EDA: variants seen among roughly 807,000 people sequenced by gnomAD.
The protein encoded by EDA is ectodysplasin A.
Under a neutral mutation model 23.6 loss-of-function variants are expected in EDA, and 2 were observed. That is an observed-to-expected ratio of 0.08 (90% confidence interval 0.03 to 0.27). The LOEUF is 0.27. EDA is among the 10% of genes least tolerant of loss of function. EDA has a pLI of 1.00. For synonymous variants in EDA, 131 were observed against 132.0 expected (o/e 0.99, Z 0.05); for missense variants, 229 against 324.2 (o/e 0.71, Z 2.26).
chrX:69,840,618 T>TTGAGA, intron 1 of EDA, among the ~76,000 whole-genome samples: 1 of 110,685 alleles, frequency 9.0e-6, no homozygotes, highest in South Asian at 3.7e-4. Context: ...AATATTTTTG[T>TTGAGA]TAAGGGGAAA....
At chrX:69,649,631 G>C (rs953025640) in intron 1 of EDA, among the ~76,000 whole-genome samples, 4 of 105,854 alleles carry the variant, frequency 3.8e-5, no homozygotes, top group Non-Finnish European at 7.7e-5. Flanking sequence ...CTGTCACCCA[G>C]GCTGGAGTGC....
At chrX:69,621,027 G>A (rs750647858) in intron 1 of EDA, 30 of 292,947 alleles carry the variant, frequency 1.0e-4, no homozygotes, top group Non-Finnish European at 1.8e-4. Flanking sequence ...CCTTAACCAC[G>A]TGGTCAGTCT....
In EDA at chrX:69,630,776, T is replaced by C. The variant is rs895236377; in HGVS notation, c.396+14072T>C. On this transcript the variant is annotated intron_variant, in intron 1 of 7. Transcript: ENST00000374552. ...AATTCACAGGGGTTGGTAATGGTAC[T>C]GCATTTTTTCAAATCGTGCTTTTAT... is the stretch of plus-strand genomic sequence containing the variant. Among the ~76,000 whole-genome samples the C allele has an allele frequency of 3.6e-5, 4 of 112,097 alleles. No homozygotes were observed. The Admixed American group carries it at 3.8e-4, about 11-fold the overall frequency.
At chrX:69,754,429 G>T (rs2014022657) in intron 1 of EDA, among the ~76,000 whole-genome samples, 1 of 112,172 alleles carries the variant, frequency 8.9e-6, no homozygotes, top group African/African-American at 3.2e-5. Context: ...TCTGCCGAGA[G>T]ATCAGCTTTT....
At chrX:70,026,818 T>C (rs1297641551) in intron 3 of EDA, among the ~76,000 whole-genome samples, 1 of 110,599 alleles carries the variant, frequency 9.0e-6, no homozygotes, top group East Asian at 2.9e-4. Context: ...CTGTCTCTGC[T>C]TCTTTCCTGT....
intron 1 of EDA, among the ~76,000 whole-genome samples, chrX:69,733,759 G>T (rs1007202989): frequency 4.5e-5 from 5 of 111,291 alleles, no homozygotes; most frequent in African/African-American, 1.6e-4. Flanking sequence ...CCATTTGTTT[G>T]TGTCCTCTTT....
intron 1 of EDA, among the ~76,000 whole-genome samples, chrX:69,788,241 C>A (rs1428319024): frequency 2.7e-5 from 3 of 112,206 alleles, no homozygotes; most frequent in African/African-American, 9.7e-5. Flanking sequence ...GTTTGAATTT[C>A]CTCCCGTAGC....
At chrX:70,032,873 C>T (rs1159927127) in intron 6 of EDA, among the ~76,000 whole-genome samples, 1 of 112,371 alleles carries the variant, frequency 8.9e-6, no homozygotes, top group Non-Finnish European at 1.9e-5. Context: ...TGAGTGGTTT[C>T]CTCCCAGGGA....
chrX:69,632,499 ACC>A (rs1460565666), intron 1 of EDA, among the ~76,000 whole-genome samples: 2 of 111,778 alleles, frequency 1.8e-5, no homozygotes, highest in African/African-American at 6.5e-5. Context: ...TCAGGCCCCA[ACC>A]TCTGCTGGAT....
intron 1 of EDA, among the ~76,000 whole-genome samples, chrX:69,745,034 G>A (rs2013576339): frequency 9.0e-6 from 1 of 111,610 alleles, no homozygotes; most frequent in African/African-American, 3.3e-5. Flanking sequence ...AATGGATAGA[G>A]AGAAGGTATA....
chrX:69,973,426 G>A (rs1268164581), intron 2 of EDA, among the ~76,000 whole-genome samples: 2 of 111,744 alleles, frequency 1.8e-5, no homozygotes, highest in Non-Finnish European at 3.8e-5. Context: ...ACACCACGTG[G>A]TCCAGTCCAG....
At chrX:69,867,340 T>C (rs2017501844) in intron 1 of EDA, among the ~76,000 whole-genome samples, 1 of 112,087 alleles carries the variant, frequency 8.9e-6, no homozygotes, top group Non-Finnish European at 1.9e-5. Context: ...TGAGGTCACC[T>C]GTTGGTGAGC....
chrX:69,801,011 C>T (rs1183507008), intron 1 of EDA, among the ~76,000 whole-genome samples: 1 of 111,477 alleles, frequency 9.0e-6, no homozygotes, highest in East Asian at 2.8e-4. Flanking sequence ...TATGATGTGT[C>T]CCTTATTGGC....
intron 1 of EDA, among the ~76,000 whole-genome samples, chrX:69,922,074 G>T (rs2018444539): frequency 9.0e-6 from 1 of 111,627 alleles, no homozygotes; most frequent in African/African-American, 3.3e-5. Flanking sequence ...CTTTCCAACT[G>T]GCTTCTTTCA....
At chrX:69,668,412 G>A (rs767735193) in intron 1 of EDA, among the ~76,000 whole-genome samples, 1 of 111,857 alleles carries the variant, frequency 8.9e-6, no homozygotes, top group East Asian at 2.8e-4. Context: ...ATGTGCATTA[G>A]AGAAAAATGT....
At chrX:69,667,608 G>T (rs1025012795) in intron 1 of EDA, among the ~76,000 whole-genome samples, 1 of 110,626 alleles carries the variant, frequency 9.0e-6, no homozygotes, top group African/African-American at 3.3e-5. Context: ...TGATTTTTAT[G>T]ATTTCTTTCC....
chrX:69,749,745 T>G (rs1438956331), intron 1 of EDA: 1 of 110,999 alleles, frequency 9.0e-6, no homozygotes, highest in East Asian at 2.8e-4. Context: ...CAGAGACAGG[T>G]AAAGTATCCC....
At chrX:69,812,804 A>T (rs914934328) in intron 1 of EDA, among the ~76,000 whole-genome samples, 24 of 111,870 alleles carry the variant, frequency 2.1e-4, no homozygotes, top group African/African-American at 7.5e-4. Context: ...ACCCAACTTC[A>T]TTTCATCTAA....
intron 1 of EDA, among the ~76,000 whole-genome samples, chrX:69,698,682 C>T (rs2804322): frequency 0.06 from 6,696 of 110,878 alleles, 204 homozygotes; most frequent in Middle Eastern, 0.097. Context: ...CCACGACTGC[C>T]GGGTTTCTAG....
Sources: gnomAD v4.1 joint callset for allele counts (sites outside exome capture counted in the v4.1 genomes callset) on GRCh38, gnomAD v4.1.1 for gene constraint, MANE v1.5 for transcripts, NCBI Gene and HGNC (gene_info 2026-07-23, HGNC 2026-07-21) for gene names.